ADGRV1: variants seen among roughly 807,000 people sequenced by gnomAD.
ADGRV1 encodes G-protein coupled receptor 98.
Under a neutral mutation model 596.2 loss-of-function variants are expected in ADGRV1, and 359 were observed. That is an observed-to-expected ratio of 0.60 (90% CI 0.55 to 0.66). The LOEUF (loss-of-function observed/expected upper bound fraction) is 0.66, where lower values mean the gene tolerates loss of function less well. Among genes scored for constraint, ADGRV1 ranks in the 30% least tolerant of loss-of-function variants. The pLI, the probability that ADGRV1 is intolerant of heterozygous loss-of-function variation, is 0.00. For synonymous variants in ADGRV1, 2,681 were observed against 2,679.2 expected (o/e 1.00, Z -0.02); for missense variants, 7,274 against 7,575.6 (o/e 0.96, Z 1.48).
chr5:91,152,462 CT>C (rs1796140273), intron 88 of ADGRV1, among the ~76,000 whole-genome samples: 2 of 151,944 alleles, frequency 1.3e-5, no homozygotes, highest in Non-Finnish European at 2.9e-5. Context: ...ACAGAATTTT[CT>C]TTGCATACAT....
chr5:90,746,667 T>A (rs1301728685), intron 52 of ADGRV1, among the ~76,000 whole-genome samples: 1 of 152,172 alleles, frequency 6.6e-6, no homozygotes, highest in Non-Finnish European at 1.5e-5. Context: ...ATGTTATTGT[T>A]AAGGTTACTA....
chr5:90,946,828 T>C (rs1000031102), intron 83 of ADGRV1, among the ~76,000 whole-genome samples: 3 of 152,184 alleles, frequency 2.0e-5, no homozygotes, highest in African/African-American at 7.2e-5. Flanking sequence ...TATTTCATGG[T>C]ATATATGTAC....
intron 83 of ADGRV1, chr5:90,931,305 A>C (rs551995960): frequency 6.6e-6 from 1 of 152,344 alleles, no homozygotes; most frequent in Non-Finnish European, 1.5e-5. Context: ...ATATCAAACA[A>C]GTTTATACAG....
intron 83 of ADGRV1, among the ~76,000 whole-genome samples, chr5:90,910,557 AT>A (rs768641940): frequency 0.03 from 849 of 28,330 alleles, 6 homozygotes; most frequent in Non-Finnish European, 0.082. Flanking sequence ...TATATTATCT[AT>A]CTATCTATCT....
chr5:90,675,309 G>GC lies in ADGRV1; in HGVS notation c.5178dup (p.Val1727ArgfsTer32), dbSNP rs1376669011. 6.2e-7 allele frequency: 1 copy of GC among 1,613,736 alleles called. No individual in the cohort carries two copies. Among genetic ancestry groups the GC allele is most frequent in the African/African-American group, 1.3e-5 (1 of 74,930 alleles). ...GACGCAATGACCCTGCCTGCAAGCA[G>GC]CGTTCCACATATCACTGTGGAGGAG... On this transcript the variant is annotated frameshift_variant, in exon 24 of 90. Coordinates refer to ENST00000405460, the MANE Select transcript of ADGRV1 (RefSeq NM_032119.4). LOFTEE classifies it high-confidence loss of function.
chr5:91,128,409 A>C (rs1793945465), intron 87 of ADGRV1, among the ~76,000 whole-genome samples: 1 of 152,038 alleles, frequency 6.6e-6, no homozygotes, highest in South Asian at 2.1e-4. Context: ...TCTGTAATGT[A>C]ATTATTTTTG....
chr5:90,667,745 C>G (rs1771691815), intron 21 of ADGRV1, among the ~76,000 whole-genome samples: 1 of 152,204 alleles, frequency 6.6e-6, no homozygotes, highest in Non-Finnish European at 1.5e-5. Flanking sequence ...TGTGGTTTAT[C>G]TACTGTTGGT....
rs375816701 is a variant in ADGRV1 at position 90,810,931 on chromosome 5, C to A, written c.15671C>A (p.Pro5224Gln). The stretch of plus-strand genomic sequence containing the variant: ...ATTCATGGAACATTCAGCCTTGGGC[C>A]ATCCATTGTTTATATTGAAGAGGAG... ...VSIHGTFSLG[P>Q]SIVYIEEEMK... Residue 5224 changes from proline (P) to glutamine (Q), a missense_variant, in exon 74 of 90, where the codon CCA becomes CAA. Around this residue, in one of 5 missense-constraint regions of ADGRV1, gnomAD observed 1,874 missense variants for 1,970.2 expected, o/e 0.95. Transcript: ENST00000405460. 3 of 1,613,840 alleles carry A rather than the reference C, an allele frequency of 1.9e-6. No homozygotes were observed. In the African/African-American group the frequency reaches 4.0e-5, roughly 22 times the overall value.
intron 57 of ADGRV1, among the ~76,000 whole-genome samples, chr5:90,758,618 T>C (rs1193118445): frequency 6.6e-6 from 1 of 152,248 alleles, no homozygotes; most frequent in African/African-American, 2.4e-5. Context: ...ATTTTATTCA[T>C]GTTTCTATCT....
At position 90,730,347 on chromosome 5, in the gene ADGRV1, A is replaced by C. The variant is rs144131123; in HGVS notation, c.10549+583A>C. The stretch of plus-strand genomic sequence containing the variant: ...AGGAAAATATTAGTGAAGAATGAAA[A>C]TAATATATTTCTTTTGTCTAGAGAA... On this transcript the variant is annotated intron_variant, in intron 50 of 89. Transcript: ENST00000405460. Among the ~76,000 whole-genome samples the C allele has an allele frequency of 2.9e-3, 439 of 152,352 alleles. 3 individuals are homozygous for C. The highest frequency in any genetic ancestry group is 9.6e-3 in the African/African-American group (399 of 41,578).
intron 77 of ADGRV1, among the ~76,000 whole-genome samples, chr5:90,832,814 T>A (rs1398163300): frequency 1.3e-5 from 2 of 152,198 alleles, no homozygotes; most frequent in Non-Finnish European, 2.9e-5. Flanking sequence ...TTCCTCTGCA[T>A]ATGGATACCC....
chr5:91,031,442 C>G, intron 85 of ADGRV1: 1 of 751,134 alleles, frequency 1.3e-6, no homozygotes, highest in Non-Finnish European at 2.3e-6. Flanking sequence ...TAAAGAGTCA[C>G]TCAACTCTGA....
At chr5:90,887,727 C>G (rs1309154639) in intron 83 of ADGRV1, among the ~76,000 whole-genome samples, 1 of 152,142 alleles carries the variant, frequency 6.6e-6, no homozygotes, top group African/African-American at 2.4e-5. Flanking sequence ...AAAGTGTAAA[C>G]CTAAAAACTA....
At chr5:90,835,094 A>G (rs1205641388) in intron 77 of ADGRV1, among the ~76,000 whole-genome samples, 1 of 151,836 alleles carries the variant, frequency 6.6e-6, no homozygotes, top group Non-Finnish European at 1.5e-5. Context: ...GCTTGCGGAT[A>G]TTTGTCAATA....
chr5:90,659,582 C>T (rs546054452), intron 21 of ADGRV1, among the ~76,000 whole-genome samples: 3 of 152,270 alleles, frequency 2.0e-5, no homozygotes, highest in Admixed American at 2.0e-4. Flanking sequence ...CAGCTAAATG[C>T]TAAGAAACTG....
chr5:90,753,518 T>G (rs1377415300), intron 53 of ADGRV1, 56 bp from the exon 54 acceptor site: 7 of 1,291,182 alleles, frequency 5.4e-6, no homozygotes, highest in African/African-American at 1.5e-5. Context: ...TAAAATATTC[T>G]TACTACATAG....
intron 83 of ADGRV1, among the ~76,000 whole-genome samples, chr5:90,948,260 T>C (rs891014309): frequency 1.3e-4 from 19 of 151,994 alleles, no homozygotes; most frequent in African/African-American, 4.6e-4. Flanking sequence ...GGAGGTGAGC[T>C]AGGAGCAAGC....
At chr5:91,160,728 C>T (rs1796872986) in intron 89 of ADGRV1, among the ~76,000 whole-genome samples, 1 of 152,034 alleles carries the variant, frequency 6.6e-6, no homozygotes. Flanking sequence ...TAATGAATTG[C>T]AAAGGGATGG....
At chr5:91,028,798 G>A (rs1320832497) in intron 85 of ADGRV1, among the ~76,000 whole-genome samples, 5 of 140,912 alleles carry the variant, frequency 3.5e-5, no homozygotes, top group African/African-American at 1.1e-4. Flanking sequence ...GAGTGCAGTA[G>A]TGCAATCATG....
Sources: gnomAD v4.1 joint callset for allele counts (sites outside exome capture counted in the v4.1 genomes callset) on GRCh38, gnomAD v4.1.1 for gene constraint, gnomAD v4.1.1 regional missense constraint, MANE v1.5 for transcripts, NCBI Gene and HGNC (gene_info 2026-07-23, HGNC 2026-07-21) for gene names.